Variants in OLFM3 observed in about 807,000 individuals in gnomAD.
OLFM3 encodes the protein noelin-3.
In OLFM3, 20 loss-of-function variants were observed where a neutral mutation model predicts 48.6. The observed-to-expected ratio is 0.41, with a 90% CI of 0.29 to 0.60. OLFM3 has a LOEUF of 0.60. Ranked by LOEUF, OLFM3 falls within the 20% of genes least tolerant of loss-of-function variation. OLFM3 has a pLI of 0.28. For missense variants in OLFM3, 437 were observed against 544.3 expected (o/e 0.80, Z 1.96); for synonymous variants, 222 against 198.1 (o/e 1.12, Z -1.01).
intron 1 of OLFM3, among the ~76,000 whole-genome samples, chr1:101,871,741 T>A (rs1188762766): frequency 1.3e-5 from 2 of 152,052 alleles, no homozygotes; most frequent in Non-Finnish European, 2.9e-5. Context: ...ATAAATATGA[T>A]TTATAATATT....
Position 101,839,952 on chromosome 1 carries a change from G to A in OLFM3, c.70-2927C>T, listed in dbSNP as rs1467191891. On this transcript the variant is annotated intron_variant, in intron 1 of 5. Transcript: ENST00000370103. ...GACAAGAAAAAGGTAACTCAAAAGA[G>A]GAAAAAACCTAATAGAAAAGATGAG... Among the ~76,000 whole-genome samples the A allele has an allele frequency of 2.0e-5, 3 of 152,248 alleles. 1 individual carries two copies. Among genetic ancestry groups the A allele is most frequent in the Non-Finnish European group, 4.4e-5 (3 of 68,020 alleles).
At chr1:101,988,341 T>C (rs1433447886) in intron 1 of OLFM3, among the ~76,000 whole-genome samples, 2 of 152,180 alleles carry the variant, frequency 1.3e-5, no homozygotes, top group Non-Finnish European at 2.9e-5. Context: ...ACACAGATAA[T>C]TCACAGGAGT....
chr1:101,869,994 AG>A (rs1245512005), intron 1 of OLFM3, among the ~76,000 whole-genome samples: 1 of 152,224 alleles, frequency 6.6e-6, no homozygotes, highest in Admixed American at 6.5e-5. Context: ...AGACTAATAC[AG>A]GTAATTATGA....
At chr1:101,930,040 C>T (rs771628287) in intron 1 of OLFM3, among the ~76,000 whole-genome samples, 6 of 152,040 alleles carry the variant, frequency 3.9e-5, no homozygotes, top group Non-Finnish European at 5.9e-5. Context: ...GAAAAGGGAC[C>T]TTGAATTTGC....
chr1:101,814,017 T>C (rs10493975), intron 4 of OLFM3, among the ~76,000 whole-genome samples: 8,841 of 152,238 alleles, frequency 0.058, 385 homozygotes, highest in East Asian at 0.22. Flanking sequence ...TAATTATGTA[T>C]GAAAATGTCC....
chr1:101,901,158 G>C (rs1057514057), intron 1 of OLFM3, among the ~76,000 whole-genome samples: 12 of 151,996 alleles, frequency 7.9e-5, no homozygotes, highest in African/African-American at 2.9e-4. Context: ...CAGCACCCCT[G>C]CTGGTTTTCT....
At chr1:101,855,392 T>G in intron 1 of OLFM3, among the ~76,000 whole-genome samples, 1 of 152,062 alleles carries the variant, frequency 6.6e-6, no homozygotes, top group East Asian at 1.9e-4. Flanking sequence ...TGAACCCCCA[T>G]AGTCAGATCC....
intron 1 of OLFM3, among the ~76,000 whole-genome samples, chr1:101,860,534 T>C (rs950224742): frequency 1.3e-5 from 2 of 152,050 alleles, no homozygotes; most frequent in Non-Finnish European, 2.9e-5. Flanking sequence ...ATCCATATCA[T>C]TGTCTTTTGA....
rs779738676 is a variant in OLFM3, at chr1:101,804,820, G to T, written c.795C>A (p.Asn265Lys). 1.9e-6 allele frequency: 3 copies of T among 1,612,378 alleles called. No homozygotes were observed. The highest frequency in any genetic ancestry group is 2.5e-6 in the Non-Finnish European group (3 of 1,179,006). Reference sequence around the variant, plus strand: ...TAGTTCCTGCCCACTTGAAAGGAAGGTTGTATGTCCTTGATTCAGCCCCAC... The same window carrying T: ...TAGTTCCTGCCCACTTGAAAGGAAGTTTGTATGTCCTTGATTCAGCCCCAC... ...FVSGAESRTY[N>K]LPFKWAGTNH... is the part of the protein sequence containing the mutation. The change falls in exon 6 of 6, where the codon AAC becomes AAA. Residue 265 changes from asparagine to lysine, a missense_variant. Asn to Lys is a moderately conservative substitution (Grantham distance 94, BLOSUM62 0). Transcript: ENST00000370103. The surrounding 1 kb of genome is among the most constrained non-coding windows in gnomAD (Gnocchi z 4.5).
chr1:101,889,889 TCTA>T (rs1657921417), intron 1 of OLFM3, among the ~76,000 whole-genome samples: 1 of 152,032 alleles, frequency 6.6e-6, no homozygotes, highest in African/African-American at 2.4e-5. Context: ...AACCTATAAT[TCTA>T]CTTCTCAGAA....
At chr1:101,988,031 T>A in intron 1 of OLFM3, among the ~76,000 whole-genome samples, 1 of 152,186 alleles carries the variant, frequency 6.6e-6, no homozygotes, top group East Asian at 1.9e-4. Flanking sequence ...CTTGGAATAA[T>A]GTAGTAGAAA....
intron 4 of OLFM3, among the ~76,000 whole-genome samples, chr1:101,820,202 T>C (rs1029647650): frequency 7.2e-5 from 11 of 152,232 alleles, no homozygotes; most frequent in African/African-American, 2.2e-4. Flanking sequence ...ACTTGTGACC[T>C]TAAGTTTCTA....
At chr1:101,996,675 T>A in intron 1 of OLFM3, 73 bp downstream of exon 1, 2 of 1,490,072 alleles carry the variant, frequency 1.3e-6, no homozygotes, top group Non-Finnish European at 9.4e-7. Context: ...TTTGACATAT[T>A]TATTTGCATT....
intron 4 of OLFM3, among the ~76,000 whole-genome samples, chr1:101,824,449 A>C (rs1016026170): frequency 6.6e-6 from 1 of 152,174 alleles, no homozygotes; most frequent in South Asian, 2.1e-4. Context: ...TGCATGTCAC[A>C]TGCTTGACTC....
chr1:101,962,549 G>C (rs544876662), intron 1 of OLFM3, among the ~76,000 whole-genome samples: 4 of 152,168 alleles, frequency 2.6e-5, no homozygotes, highest in African/African-American at 9.6e-5. Context: ...ATCCAATGGG[G>C]TGAGTTTCTC....
chr1:101,990,745 G>A (rs1444438233), intron 1 of OLFM3, among the ~76,000 whole-genome samples: 1 of 151,678 alleles, frequency 6.6e-6, no homozygotes, highest in African/African-American at 2.4e-5. Context: ...CAGCACTTTG[G>A]GAGGCTGAGG....
chr1:101,945,353 C>G (rs951404025), intron 1 of OLFM3, among the ~76,000 whole-genome samples: 3 of 152,104 alleles, frequency 2.0e-5, no homozygotes, highest in African/African-American at 7.2e-5. Context: ...TTGATATACA[C>G]AACAATATGA....
At position 101,805,015 on chromosome 1, in the gene OLFM3, A is replaced by G. The variant is rs1653695789; in HGVS notation, c.700-100T>C. The G allele has an allele frequency of 9.7e-6, 9 of 924,630 alleles. No homozygotes were observed. The South Asian group carries it at 1.6e-4, about 16-fold the overall frequency. 57.3% of individuals were successfully genotyped at this position (924,630 alleles called of 1,614,324 possible). On this transcript the variant is annotated intron_variant, in intron 5 of 5. Transcript: ENST00000370103. ...AGAGTCAACACTTATTATAATTCTCAGGCTCTGGAAGCCACACTATCTTAC... is the reference window on the plus strand; with the variant it reads ...AGAGTCAACACTTATTATAATTCTCGGGCTCTGGAAGCCACACTATCTTAC...
chr1:101,955,643 GTCT>G (rs1274036779), intron 1 of OLFM3, among the ~76,000 whole-genome samples: 2 of 151,760 alleles, frequency 1.3e-5, no homozygotes, highest in Admixed American at 1.3e-4. Context: ...CCTTGCTGAA[GTCT>G]TCTTCTAACT....
Sources: allele counts gnomAD v4.1 joint callset (sites outside exome capture counted in the v4.1 genomes callset), GRCh38; gene constraint gnomAD v4.1.1; non-coding constraint Gnocchi (gnomAD v3.1); transcripts MANE v1.5; gene names NCBI Gene and HGNC (gene_info 2026-07-23, HGNC 2026-07-21).